KIF16B: variants seen among roughly 807,000 people sequenced by gnomAD.
KIF16B encodes kinesin-like protein KIF16B.
A neutral mutation model predicts 156.3 loss-of-function variants in KIF16B; 98 were observed. The observed-to-expected ratio is 0.63, with a 90% CI of 0.53 to 0.74. KIF16B has a LOEUF of 0.74. Ranked by LOEUF, KIF16B falls within the 30% of genes least tolerant of loss-of-function variation. The pLI, the probability that KIF16B is intolerant of heterozygous loss-of-function variation, is 0.00. For synonymous variants in KIF16B, 564 were observed against 583.7 expected (o/e 0.97, Z 0.49); for missense variants, 1,421 against 1,606.5 (o/e 0.88, Z 1.97).
intron 6 of KIF16B, among the ~76,000 whole-genome samples, chr20:16,509,406 A>G (rs1463769353): frequency 1.3e-5 from 2 of 152,202 alleles, no homozygotes; most frequent in Non-Finnish European, 2.9e-5. Context: ...ATTGTTCTCC[A>G]TAGAGGGCAA....
chr20:16,436,366 G>C (rs2146491524), intron 12 of KIF16B, among the ~76,000 whole-genome samples: 1 of 152,188 alleles, frequency 6.6e-6, no homozygotes, highest in South Asian at 2.1e-4. Context: ...TCTCTTCCTG[G>C]GCTCCCTAAT....
chr20:16,382,114 C>A (rs753190524), intron 17 of KIF16B: 1 of 1,354,706 alleles, frequency 7.4e-7, no homozygotes, highest in Admixed American at 1.9e-5. Flanking sequence ...CAGATGGGTC[C>A]TTTTATAGGG....
intron 12 of KIF16B, among the ~76,000 whole-genome samples, chr20:16,472,570 A>G (rs943475820): frequency 3.3e-5 from 5 of 151,644 alleles, no homozygotes; most frequent in Non-Finnish European, 7.4e-5. Flanking sequence ...AAAAAAAAAA[A>G]AAAAAAGTAA....
intron 1 of KIF16B, among the ~76,000 whole-genome samples, chr20:16,529,910 C>G (rs901265717): frequency 1.3e-5 from 2 of 152,178 alleles, no homozygotes; most frequent in African/African-American, 4.8e-5. Flanking sequence ...AAGATCACGC[C>G]ACTGCACTCA....
intron 1 of KIF16B, among the ~76,000 whole-genome samples, chr20:16,560,519 A>C (rs1207527712): frequency 6.6e-6 from 1 of 152,236 alleles, no homozygotes; most frequent in Non-Finnish European, 1.5e-5. Flanking sequence ...TAAAAGTTTA[A>C]AATCTTGATC....
intron 25 of KIF16B, among the ~76,000 whole-genome samples, chr20:16,278,109 CGG>C (rs2063091163): frequency 1.3e-5 from 2 of 148,900 alleles, no homozygotes; most frequent in African/African-American, 2.5e-5. Flanking sequence ...GATGGGATGG[CGG>C]AGCCAAAGGG....
intron 25 of KIF16B, among the ~76,000 whole-genome samples, chr20:16,293,026 A>G (rs1331681851): frequency 1.3e-5 from 2 of 152,220 alleles, no homozygotes; most frequent in Admixed American, 6.5e-5. Context: ...ACAACGACAG[A>G]GATAGAAAAT....
Position 16,324,481 on chromosome 20 carries a change from T to G in KIF16B, c.3711+11445A>C, listed in dbSNP as rs553163633. Among the ~76,000 whole-genome samples the G allele has an allele frequency of 2.6e-5, 4 of 152,184 alleles. No homozygotes were observed. The South Asian group carries it at 6.2e-4, about 24-fold the overall frequency. On this transcript the variant is annotated intron_variant, in intron 24 of 25. Coordinates refer to ENST00000354981, the MANE Select transcript of KIF16B (RefSeq NM_024704.5). ...CCCTCAGGGTGCTGGCATTTCACAATGTGCAAACAGTTCCAAGCTCATTGC... is the reference window on the plus strand; with the variant it reads ...CCCTCAGGGTGCTGGCATTTCACAAGGTGCAAACAGTTCCAAGCTCATTGC...
chr20:16,453,004 C>A (rs1220908715), intron 12 of KIF16B, among the ~76,000 whole-genome samples: 2 of 151,834 alleles, frequency 1.3e-5, no homozygotes, highest in African/African-American at 4.8e-5. Context: ...AAAACTGATG[C>A]CATACTTTAC....
At chr20:16,318,714 G>C (rs140738921) in intron 24 of KIF16B, among the ~76,000 whole-genome samples, 1 of 152,276 alleles carries the variant, frequency 6.6e-6, no homozygotes, top group Non-Finnish European at 1.5e-5. Flanking sequence ...ATAAAATAAA[G>C]TATTGGTGGG....
chr20:16,457,461 A>T (rs1422639887), intron 12 of KIF16B, among the ~76,000 whole-genome samples: 1 of 152,194 alleles, frequency 6.6e-6, no homozygotes, highest in Non-Finnish European at 1.5e-5. Context: ...TTTGATGTCA[A>T]CTCAGCCTTT....
intron 12 of KIF16B, among the ~76,000 whole-genome samples, chr20:16,469,254 T>TAAA (rs57114751): frequency 3.0e-5 from 2 of 66,076 alleles, no homozygotes; most frequent in African/African-American, 1.1e-4. Context: ...CCCTGTGTCT[T>TAAA]AAAAAAAAAA....
chr20:16,302,710 CTTGTACATATT>C (rs978640045), intron 25 of KIF16B, among the ~76,000 whole-genome samples: 20 of 152,204 alleles, frequency 1.3e-4, no homozygotes, highest in Non-Finnish European at 1.5e-4. Flanking sequence ...TCATATAGAG[CTTGTACATATT>C]TTGTTAGATT....
At chr20:16,287,930 G>A (rs2122434520) in intron 25 of KIF16B, among the ~76,000 whole-genome samples, 1 of 152,314 alleles carries the variant, frequency 6.6e-6, no homozygotes, top group Middle Eastern at 3.4e-3. Context: ...AATCTGACAG[G>A]TGCCACTCAA....
intron 12 of KIF16B, among the ~76,000 whole-genome samples, chr20:16,482,561 T>C (rs2068009739): frequency 6.6e-6 from 1 of 152,078 alleles, no homozygotes; most frequent in South Asian, 2.1e-4. Flanking sequence ...AAAAGGAAAA[T>C]GACTTTAAAT....
rs1397430120 is a variant in KIF16B at position 16,356,355 on chromosome 20, T to A, written c.3596A>T (p.Asp1199Val). 6.2e-7 allele frequency: 1 copy of A among 1,614,176 alleles called. No individual in the cohort carries two copies. The highest frequency in any genetic ancestry group is 1.1e-5 in the South Asian group (1 of 91,080). Residue 1199 changes from aspartate (D) to valine (V), a missense_variant, in exon 23 of 26, where the codon GAT becomes GTT. Physicochemically the swap from Asp to Val is radical, Grantham distance 152. Transcript: ENST00000354981. ...CTTGACCTCAAACTCGAAGTGTGCA[T>A]CCTTTCCTTGCCCGCAGAGGACGTA... ...PRYVLCGQGKDAHFEFEVKIT... is the reference protein window; with the variant it reads ...PRYVLCGQGKVAHFEFEVKIT...
At position 16,425,001 on chromosome 20, in the gene KIF16B, A is replaced by G. The variant is rs76682657; in HGVS notation, c.1612+2103T>C. Among the ~76,000 whole-genome samples the G allele has an allele frequency of 3.6e-4, 55 of 152,300 alleles. No individual in the cohort carries two copies. In the East Asian group the frequency reaches 9.3e-3, roughly 26 times the overall value. On this transcript the variant is annotated intron_variant, in intron 15 of 25. Transcript: ENST00000354981. Reference sequence around the variant, plus strand: ...TCACAATACCAATATAAACAGATATAGAAGTACAGTTGTAAAGGTTGTACA... The same window carrying G: ...TCACAATACCAATATAAACAGATATGGAAGTACAGTTGTAAAGGTTGTACA...
chr20:16,462,361 T>A (rs1019326221), intron 12 of KIF16B, among the ~76,000 whole-genome samples: 5 of 152,204 alleles, frequency 3.3e-5, no homozygotes, highest in Admixed American at 3.3e-4. Context: ...ACCATTCTTC[T>A]TTCATTTCAC....
intron 3 of KIF16B, among the ~76,000 whole-genome samples, chr20:16,521,694 G>A (rs1251834739): frequency 6.6e-6 from 1 of 152,072 alleles, no homozygotes; most frequent in Admixed American, 6.6e-5. Flanking sequence ...TCCTCGAGTA[G>A]AGCAAAACCC....
Sources: gnomAD v4.1 joint callset for allele counts (sites outside exome capture counted in the v4.1 genomes callset) on GRCh38, gnomAD v4.1.1 for gene constraint, MANE v1.5 for transcripts, NCBI Gene and HGNC (gene_info 2026-07-23, HGNC 2026-07-21) for gene names.